SOX5: variants seen among roughly 807,000 people sequenced by gnomAD.
The protein encoded by SOX5 is SRY-box transcription factor 5, also known as transcription factor SOX-5.
In SOX5, 9 loss-of-function variants were observed where a neutral mutation model predicts 92.0. That is an observed-to-expected ratio of 0.10 (90% CI 0.06 to 0.17). The LOEUF (loss-of-function observed/expected upper bound fraction) is 0.17. SOX5 is among the 10% of genes least tolerant of loss of function. The pLI is 1.00. For synonymous variants in SOX5, 344 were observed against 336.3 expected (o/e 1.02, Z -0.25); for missense variants, 642 against 944.5 (o/e 0.68, Z 4.20).
At chr12:24,072,541 T>C (rs1287395882) in intron 4 of SOX5, among the ~76,000 whole-genome samples, 1 of 152,202 alleles carries the variant, frequency 6.6e-6, no homozygotes, top group African/African-American at 2.4e-5. Context: ...TTGCTAGTTT[T>C]AGACAGGAGG....
At chr12:23,928,176 G>C (rs1048927452) in intron 1 of SOX5, among the ~76,000 whole-genome samples, 70 of 152,028 alleles carry the variant, frequency 4.6e-4, no homozygotes, top group African/African-American at 1.7e-3. Context: ...CCGGTGAAAA[G>C]CTAAGAAGTC....
chr12:23,748,481 T>C (rs2094072637), intron 4 of SOX5, among the ~76,000 whole-genome samples: 1 of 151,876 alleles, frequency 6.6e-6, no homozygotes, highest in African/African-American at 2.4e-5. Context: ...TCCACACAAA[T>C]GAAATAGATA....
chr12:23,873,787 A>G (rs1251556999), intron 2 of SOX5, among the ~76,000 whole-genome samples: 1 of 152,220 alleles, frequency 6.6e-6, no homozygotes, highest in African/African-American at 2.4e-5. Flanking sequence ...GTATATAAAG[A>G]TCATGTGAAT....
chr12:24,202,973 T>C (rs1027131926), intron 4 of SOX5, among the ~76,000 whole-genome samples: 1 of 152,168 alleles, frequency 6.6e-6, no homozygotes, highest in African/African-American at 2.4e-5. Flanking sequence ...ATCATTATAT[T>C]TTCACCCACA....
intron 6 of SOX5, among the ~76,000 whole-genome samples, chr12:23,678,695 A>T (rs1237343614): frequency 1.3e-5 from 2 of 151,962 alleles, no homozygotes; most frequent in African/African-American, 4.8e-5. Context: ...AACTCACAAA[A>T]ACCCTATAAG....
At chr12:23,973,061 A>G (rs1358326090) in intron 4 of SOX5, among the ~76,000 whole-genome samples, 7 of 152,068 alleles carry the variant, frequency 4.6e-5, no homozygotes, top group Admixed American at 6.6e-5. Context: ...AAGTGAGATA[A>G]TAAAGTATTT....
intron 3 of SOX5, among the ~76,000 whole-genome samples, chr12:23,795,972 C>T (rs545034402): frequency 6.6e-6 from 1 of 152,112 alleles, no homozygotes; most frequent in African/African-American, 2.4e-5. Context: ...GTCAAGAAAA[C>T]GGGTGTAATT....
chr12:24,162,085 A>G (rs1382796929), intron 4 of SOX5, among the ~76,000 whole-genome samples: 1 of 152,096 alleles, frequency 6.6e-6, no homozygotes, highest in East Asian at 1.9e-4. Flanking sequence ...TAAAAGAGAC[A>G]TTAGAAAAAT....
intron 3 of SOX5, among the ~76,000 whole-genome samples, chr12:23,792,546 C>A (rs572095795): frequency 2.3e-4 from 32 of 138,052 alleles, no homozygotes; most frequent in Admixed American, 4.9e-4. Context: ...TTGCTTGAAC[C>A]CAGGAGGCAG....
At chr12:24,474,369 G>A (rs1013571094) in intron 1 of SOX5, among the ~76,000 whole-genome samples, 2 of 152,130 alleles carry the variant, frequency 1.3e-5, no homozygotes, top group African/African-American at 2.4e-5. Context: ...GTCTGTATTT[G>A]GTGCCTTCAA....
rs530882469 is a variant in SOX5 at position 24,441,855 on chromosome 12, T to C, written c.-250-73216A>G. On this transcript the variant is annotated intron_variant, in intron 1 of 4. Transcript: ENST00000446891. ...GAACGGCACTCTGCATGTATAATGATTATAAAACTTTTTTTAATAAAAAAG... is the reference window on the plus strand; with the variant it reads ...GAACGGCACTCTGCATGTATAATGACTATAAAACTTTTTTTAATAAAAAAG... Among the ~76,000 whole-genome samples, 209 of 152,286 alleles carry C rather than the reference T, an allele frequency of 1.4e-3. 1 individual carries two copies. The highest frequency in any genetic ancestry group is 4.6e-3 in the African/African-American group (191 of 41,574).
chr12:24,373,738 T>C (rs759443206), intron 1 of SOX5, among the ~76,000 whole-genome samples: 2 of 152,182 alleles, frequency 1.3e-5, no homozygotes, highest in Non-Finnish European at 2.9e-5. Context: ...TAAAGGAATA[T>C]TGAAATTATT....
chr12:23,549,122 T>C (rs1299060145), intron 11 of SOX5, among the ~76,000 whole-genome samples: 1 of 152,020 alleles, frequency 6.6e-6, no homozygotes, highest in African/African-American at 2.4e-5. Flanking sequence ...GAGCAAATAC[T>C]ACTGGAAAAG....
intron 4 of SOX5, among the ~76,000 whole-genome samples, chr12:24,081,650 A>G (rs907123632): frequency 6.6e-6 from 1 of 151,950 alleles, no homozygotes; most frequent in African/African-American, 2.4e-5. Flanking sequence ...TGTTTCATGG[A>G]ATACTTGGAA....
At chr12:24,210,592 T>C (rs1341115620) in intron 4 of SOX5, among the ~76,000 whole-genome samples, 1 of 152,208 alleles carries the variant, frequency 6.6e-6, no homozygotes, top group Non-Finnish European at 1.5e-5. Flanking sequence ...AAATGAGAAA[T>C]TCAGCTGTGC....
chr12:24,235,436 C>G (rs1964270083), intron 3 of SOX5, among the ~76,000 whole-genome samples: 1 of 152,054 alleles, frequency 6.6e-6, no homozygotes. Context: ...CTGGTTTATT[C>G]AAAACTAAAG....
At chr12:23,606,719 T>G (rs1328325580) in intron 8 of SOX5, among the ~76,000 whole-genome samples, 2 of 152,074 alleles carry the variant, frequency 1.3e-5, no homozygotes, top group South Asian at 4.1e-4. Context: ...TTAAAGGATT[T>G]AAAGGATGGA....
intron 4 of SOX5, among the ~76,000 whole-genome samples, chr12:24,006,663 AAG>A (rs1952202070): frequency 6.6e-6 from 1 of 152,072 alleles, no homozygotes; most frequent in Non-Finnish European, 1.5e-5. Context: ...CAGTGTTAGG[AAG>A]ATTCCTTGTC....
chr12:24,515,804 A>G (rs1361123002), intron 1 of SOX5, among the ~76,000 whole-genome samples: 4 of 152,190 alleles, frequency 2.6e-5, no homozygotes, highest in Non-Finnish European at 5.9e-5. Flanking sequence ...AGCAAGTTGC[A>G]CAATTGCTCA....
Sources: gnomAD v4.1 joint callset for allele counts (sites outside exome capture counted in the v4.1 genomes callset) on GRCh38, gnomAD v4.1.1 for gene constraint, MANE v1.5 for transcripts, NCBI Gene and HGNC (gene_info 2026-07-23, HGNC 2026-07-21) for gene names.